The following BBS9 variants were observed in gnomAD, a reference collection of about 807,000 sequenced individuals.
BBS9 encodes the protein protein PTHB1.
A neutral mutation model predicts 117.7 loss-of-function variants in BBS9; 89 were observed. That is an observed-to-expected ratio of 0.76 (90% confidence interval 0.64 to 0.90). BBS9 has a LOEUF of 0.90. BBS9 is among the 40% of genes least tolerant of loss of function. The probability of loss-of-function intolerance (pLI) is 0.00; values close to 1 mark genes in which losing one functional copy is unlikely to be tolerated. For synonymous variants in BBS9, 379 were observed against 370.9 expected, an observed-to-expected ratio of 1.02 and a Z score of -0.25; for missense variants, 982 against 1,042.2, an observed-to-expected ratio of 0.94 and a Z score of 0.80.
chr7:33,395,446 T>C (rs1476449562), intron 19 of BBS9, among the ~76,000 whole-genome samples: 1 of 152,188 alleles, frequency 6.6e-6, no homozygotes, highest in African/African-American at 2.4e-5. Context: ...GGCTTATGTT[T>C]TGATGCTATT....
At chr7:33,432,233 C>T (rs1184946094) in intron 19 of BBS9, among the ~76,000 whole-genome samples, 3 of 151,274 alleles carry the variant, frequency 2.0e-5, no homozygotes, top group Non-Finnish European at 4.4e-5. Context: ...CTCAGCCTCC[C>T]GAGTAGCTGG....
intron 5 of BBS9, among the ~76,000 whole-genome samples, chr7:33,238,040 A>G (rs1488580240): frequency 5.9e-5 from 9 of 152,200 alleles, no homozygotes; most frequent in East Asian, 1.9e-4. Flanking sequence ...TTAAATAACA[A>G]TAGTCTTTTC....
intron 5 of BBS9, among the ~76,000 whole-genome samples, chr7:33,237,725 A>C (rs1286175719): frequency 6.6e-6 from 1 of 152,186 alleles, no homozygotes; most frequent in Non-Finnish European, 1.5e-5. Flanking sequence ...CCATTTGGCT[A>C]ATGGAAGATT....
chr7:33,289,068 A>G (rs952733087), intron 9 of BBS9, among the ~76,000 whole-genome samples: 2 of 152,210 alleles, frequency 1.3e-5, no homozygotes, highest in African/African-American at 4.8e-5. Flanking sequence ...GCTTTTACTG[A>G]AAAACTCTGA....
intron 21 of BBS9, among the ~76,000 whole-genome samples, chr7:33,587,420 T>C (rs899144992): frequency 5.3e-5 from 8 of 152,136 alleles, no homozygotes; most frequent in African/African-American, 1.9e-4. Flanking sequence ...TCAGTTGATC[T>C]TTTTGGTGTT....
In BBS9 at chr7:33,344,665, C is replaced by A. The variant is rs768835836; in HGVS notation, c.1329+31C>A. 27 of 1,592,472 alleles carry A rather than the reference C, an allele frequency of 1.7e-5. No individual in the cohort carries two copies. The Admixed American group carries it at 4.3e-4, about 26-fold the overall frequency. On this transcript the variant is annotated intron_variant, in intron 12 of 22. Coordinates refer to ENST00000242067, the MANE Select transcript of BBS9 (RefSeq NM_198428.3). ...GTACCAGATTTTAGACTGTAATGTG[C>A]AAACAATATGATTTATTTCATTACA... is the stretch of plus-strand genomic sequence containing the variant.
chr7:33,618,865 A>G (rs1357242337), intron 21 of BBS9, among the ~76,000 whole-genome samples: 1 of 152,138 alleles, frequency 6.6e-6, no homozygotes, highest in African/African-American at 2.4e-5. Context: ...ATAGACCTGT[A>G]GTGGGTACAC....
At chr7:33,191,554 G>A (rs1784120033) in intron 5 of BBS9, among the ~76,000 whole-genome samples, 1 of 152,188 alleles carries the variant, frequency 6.6e-6, no homozygotes, top group Middle Eastern at 3.2e-3. Context: ...ATTTGAGAGT[G>A]TGCCCTCAGG....
At chr7:33,516,582 G>A (rs1847852337) in intron 20 of BBS9, among the ~76,000 whole-genome samples, 1 of 151,736 alleles carries the variant, frequency 6.6e-6, no homozygotes. Context: ...AATCAAGAGG[G>A]AATTTATGAG....
chr7:33,432,517 C>T (rs1027095807), intron 19 of BBS9, among the ~76,000 whole-genome samples: 10 of 151,958 alleles, frequency 6.6e-5, no homozygotes, highest in African/African-American at 2.4e-4. Context: ...TAAAGGGTTC[C>T]ATAGAAAACT....
chr7:33,139,266 AAAAAC>A lies in BBS9; in HGVS notation c.-11-6961_-11-6957del, dbSNP rs201014300. Among the ~76,000 whole-genome samples the A allele has an allele frequency of 7.0e-3, 1,065 of 151,404 alleles. 14 individuals carry two copies. Among genetic ancestry groups the A allele is most frequent in the African/African-American group, 0.022 (897 of 41,544 alleles). On this transcript the variant is annotated intron_variant, in intron 1 of 22. Transcript: ENST00000242067. ...AAACTCTGTCTCAAAAACAAAAACA[AAAAAC>A]AAAACAAAACAAAAAAACAAGTTAA...
At chr7:33,251,014 T>C (rs1326378108) in intron 5 of BBS9, among the ~76,000 whole-genome samples, 4 of 152,096 alleles carry the variant, frequency 2.6e-5, no homozygotes, top group East Asian at 3.9e-4. Context: ...AGAAGACTTA[T>C]GGAAAGATGT....
chr7:33,630,470 A>G lies in BBS9; in HGVS notation c.2522-4707A>G, dbSNP rs143765178. Among the ~76,000 whole-genome samples the G allele has an allele frequency of 2.6e-3, 403 of 152,284 alleles. 2 individuals are homozygous for G. Among genetic ancestry groups the G allele is most frequent in the Middle Eastern group, 3.4e-3 (1 of 294 alleles). ...ACTTACTGCCTGTTGAGCCAACTCA[A>G]TTGGATTACTAAACCACAATGCCCC... On this transcript the variant is annotated intron_variant, in intron 21 of 21. Coordinates refer to the BBS9 transcript ENST00000671952.
chr7:33,563,844 C>T (rs541123653), intron 21 of BBS9, among the ~76,000 whole-genome samples: 51 of 152,238 alleles, frequency 3.4e-4, no homozygotes, highest in Non-Finnish European at 5.9e-4. Flanking sequence ...TCATGAGATG[C>T]GAAGTGCGAG....
intron 4 of BBS9, among the ~76,000 whole-genome samples, chr7:33,167,620 T>G (rs1004610261): frequency 3.3e-5 from 5 of 152,022 alleles, no homozygotes; most frequent in African/African-American, 1.2e-4. Context: ...AGGCTGTTCT[T>G]GAACTCCTGA....
Position 33,538,205 on chromosome 7 carries a change from A to C in BBS9, c.2521+4029A>C, listed in dbSNP as rs1490121867. On this transcript the variant is annotated intron_variant, in intron 21 of 22. Transcript: ENST00000242067. Reference sequence around the variant, plus strand: ...CACACTGCCAGATTCCTGGGCTAAAAGGAAGCCAAGAGGAGGGAGTAAAAG... The same window carrying C: ...CACACTGCCAGATTCCTGGGCTAAACGGAAGCCAAGAGGAGGGAGTAAAAG... Among the ~76,000 whole-genome samples, 7 of 152,362 alleles carry C rather than the reference A, an allele frequency of 4.6e-5. No homozygotes were observed. In the East Asian group the frequency reaches 1.4e-3, roughly 29 times the overall value.
At chr7:33,573,949 T>A (rs1858268050) in intron 21 of BBS9, among the ~76,000 whole-genome samples, 1 of 152,146 alleles carries the variant, frequency 6.6e-6, no homozygotes, top group Admixed American at 6.6e-5. Flanking sequence ...GTGGTGGCGC[T>A]GCTATCTTTG....
At chr7:33,285,559 A>G (rs1584097523) in intron 9 of BBS9, among the ~76,000 whole-genome samples, 1 of 152,232 alleles carries the variant, frequency 6.6e-6, no homozygotes, top group Admixed American at 6.5e-5. Flanking sequence ...ATGCATGCAT[A>G]TATTTCCATT....
intron 1 of BBS9, among the ~76,000 whole-genome samples, chr7:33,140,324 G>A (rs966363547): frequency 1.3e-5 from 2 of 151,926 alleles, no homozygotes; most frequent in African/African-American, 4.8e-5. Flanking sequence ...GCACCCAGCC[G>A]GATTCCTCCT....
Sources: gnomAD v4.1 joint callset for allele counts (sites outside exome capture counted in the v4.1 genomes callset) on GRCh38, gnomAD v4.1.1 for gene constraint, MANE v1.5 for transcripts, NCBI Gene and HGNC (gene_info 2026-07-23, HGNC 2026-07-21) for gene names.